NIPBL: variants seen among roughly 807,000 people sequenced by gnomAD.
NIPBL encodes the protein nipped-B-like protein.
A neutral mutation model predicts 321.8 loss-of-function variants in NIPBL; 19 were observed. That is an observed-to-expected ratio of 0.06 (90% confidence interval 0.04 to 0.09). The LOEUF is 0.09. NIPBL is among the 10% of genes least tolerant of loss of function. The pLI is 1.00. For synonymous variants in NIPBL, 1,106 were observed against 1,114.1 expected (o/e 0.99, Z 0.14); for missense variants, 2,210 against 3,327.0 (o/e 0.66, Z 8.26).
At chr5:37,058,839 T>A in intron 43 of NIPBL, 52 bp from the exon 44 acceptor site, 1 of 1,549,606 alleles carries the variant, frequency 6.5e-7, no homozygotes, top group Non-Finnish European at 8.9e-7. Context: ...CATACTTATA[T>A]TTACTAGTGG....
At chr5:37,019,052 G>A (rs13171961) in intron 24 of NIPBL, among the ~76,000 whole-genome samples, 129 of 152,228 alleles carry the variant, frequency 8.5e-4, no homozygotes, top group Non-Finnish European at 1.4e-3. Flanking sequence ...GCAGTGAGCC[G>A]AGATAGTGCC....
Position 36,972,107 on chromosome 5 carries a change from T to G in NIPBL, c.868+66T>G, listed in dbSNP as rs115891600. On this transcript the variant is annotated intron_variant, in intron 8 of 46. Transcript: ENST00000282516. ...TTGAAGTTGAATAAAGAACTCAGAC[T>G]TCCTAAAGCAGATATTAAAAAGTTA... 2.0e-3 allele frequency: 2,017 copies of G among 1,033,884 alleles called. 22 individuals are homozygous for G. The African/African-American group carries it at 0.028, about 15-fold the overall frequency. The allele number at this position is 1,033,884 out of a possible 1,614,324, so 64.0% of individuals were successfully genotyped here.
chr5:37,056,010 G>C (rs1285516756), intron 42 of NIPBL, among the ~76,000 whole-genome samples: 1 of 152,096 alleles, frequency 6.6e-6, no homozygotes, highest in Non-Finnish European at 1.5e-5. Flanking sequence ...GAAGACATGG[G>C]AGGAGCAGTC....
At position 36,970,938 on chromosome 5, in the gene NIPBL, G is replaced by C; in HGVS notation, c.673G>C (p.Gly225Arg). The change falls in exon 7 of 47, where the codon GGT becomes CGT. Residue 225 changes from glycine (G) to arginine (R), a missense_variant. By Grantham distance (125) the Gly-to-Arg change is moderately radical (BLOSUM62 -2). This residue lies in a region of NIPBL where 464 missense variants were observed against 529.5 expected (regional missense o/e 0.88). Transcript: ENST00000282516. The part of the protein sequence containing the change: ...LRNIHDNKVS[G>R]PLSGNSANHH... ...AAACATACATGATAATAAAGTTTCT[G>C]GTCCGTTGTCTGGCAATTCAGCTAA... The C allele has an allele frequency of 6.2e-7, 1 of 1,613,638 alleles. No homozygotes were observed. Among genetic ancestry groups the C allele is most frequent in the Non-Finnish European group, 8.5e-7 (1 of 1,179,670 alleles).
chr5:37,048,011 C>A (rs1386444628), intron 38 of NIPBL, among the ~76,000 whole-genome samples: 1 of 151,798 alleles, frequency 6.6e-6, no homozygotes, highest in Non-Finnish European at 1.5e-5. Flanking sequence ...AAAATAATGT[C>A]AATGTAGTAC....
intron 1 of NIPBL, among the ~76,000 whole-genome samples, chr5:36,906,055 A>G (rs1337541421): frequency 6.6e-6 from 1 of 152,112 alleles, no homozygotes; most frequent in African/African-American, 2.4e-5. Context: ...TGAAAAGTAT[A>G]TTAATGGGGA....
intron 1 of NIPBL, among the ~76,000 whole-genome samples, chr5:36,915,322 T>A (rs1038277519): frequency 1.3e-5 from 2 of 152,204 alleles, no homozygotes; most frequent in African/African-American, 4.8e-5. Context: ...GAAAACATTT[T>A]AAATTGTATT....
chr5:36,996,588 T>C lies in NIPBL; in HGVS notation c.3304+784T>C. 2.2e-6 allele frequency: 1 copy of C among 451,830 alleles called. No individual in the cohort carries two copies. Among genetic ancestry groups the C allele is most frequent in the Non-Finnish European group, 4.5e-6 (1 of 224,022 alleles). 28.0% of individuals were successfully genotyped at this position (451,830 alleles called of 1,614,324 possible). On this transcript the variant is annotated intron_variant, in intron 11 of 46. Transcript: ENST00000282516. This position sits in a 1 kb window ranked among gnomAD's most constrained non-coding sequence, Gnocchi z 5.0. Reference sequence around the variant, plus strand: ...TGGTCCACTGAAAAAGTTCTTCTCTTTTATCCCTATCTTCCTTCTTCTGGA... The same window carrying C: ...TGGTCCACTGAAAAAGTTCTTCTCTCTTATCCCTATCTTCCTTCTTCTGGA...
chr5:36,888,653 G>T (rs957435686), intron 1 of NIPBL, among the ~76,000 whole-genome samples: 8 of 152,090 alleles, frequency 5.3e-5, no homozygotes, highest in Non-Finnish European at 8.8e-5. Flanking sequence ...AGTTAGATGT[G>T]TTGTAACAGT....
chr5:36,951,688 AAG>A (rs1415946687), intron 1 of NIPBL, among the ~76,000 whole-genome samples: 1 of 152,198 alleles, frequency 6.6e-6, no homozygotes. Flanking sequence ...AATAATTTCA[AAG>A]AGTAGAAATT....
intron 30 of NIPBL, 47 bp from the exon 31 acceptor site, chr5:37,026,182 G>T (rs542072333): frequency 9.2e-7 from 1 of 1,088,728 alleles, no homozygotes; most frequent in Non-Finnish European, 1.4e-6. Flanking sequence ...TTGTGAAATT[G>T]CCGTATTTGT....
At chr5:36,986,399 A>G (rs1048587150) in intron 10 of NIPBL, 98 bp downstream of exon 10, 4 of 814,978 alleles carry the variant, frequency 4.9e-6, no homozygotes, top group Middle Eastern at 4.0e-4. Flanking sequence ...TTAGAAAGCT[A>G]CTACATGAAA....
intron 1 of NIPBL, chr5:36,885,551 GAGA>G (rs1745829244): frequency 1.9e-6 from 1 of 528,036 alleles, no homozygotes; most frequent in Non-Finnish European, 3.8e-6. Context: ...GGAGCACCTG[GAGA>G]AGAAGGGACC....
chr5:37,048,721 T>C, intron 39 of NIPBL, 46 bp downstream of exon 39: 11 of 1,377,600 alleles, frequency 8.0e-6, no homozygotes, highest in Non-Finnish European at 1.1e-5. Flanking sequence ...ATTTATATTA[T>C]AATGGCTTTA....
chr5:37,042,897 G>GCA (rs1213087294), intron 34 of NIPBL, among the ~76,000 whole-genome samples: 2 of 146,336 alleles, frequency 1.4e-5, no homozygotes, highest in African/African-American at 5.2e-5. Context: ...ACACACACGC[G>GCA]CGCACACACA....
intron 1 of NIPBL, among the ~76,000 whole-genome samples, chr5:36,884,384 A>G (rs1414947157): frequency 2.0e-5 from 3 of 152,190 alleles, no homozygotes; most frequent in Admixed American, 1.3e-4. Context: ...ATGAAAATAT[A>G]TATTTGTGTA....
intron 9 of NIPBL, among the ~76,000 whole-genome samples, chr5:36,978,375 G>T (rs1211482253): frequency 1.3e-5 from 2 of 151,970 alleles, no homozygotes; most frequent in Non-Finnish European, 2.9e-5. Flanking sequence ...TAAAATGTTT[G>T]TTGGCTGTGT....
intron 1 of NIPBL, among the ~76,000 whole-genome samples, chr5:36,933,296 A>G (rs1749920515): frequency 6.6e-6 from 1 of 152,092 alleles, no homozygotes; most frequent in Non-Finnish European, 1.5e-5. Context: ...ATTACATAGT[A>G]GAATGGTATT....
At chr5:36,964,830 T>C (rs898502465) in intron 6 of NIPBL, among the ~76,000 whole-genome samples, 1 of 151,960 alleles carries the variant, frequency 6.6e-6, no homozygotes, top group Non-Finnish European at 1.5e-5. Context: ...AGGAACTCAA[T>C]AGCAAAACAA....
Sources: allele counts gnomAD v4.1 joint callset (sites outside exome capture counted in the v4.1 genomes callset), GRCh38; gene constraint gnomAD v4.1.1; regional missense constraint gnomAD v4.1.1; non-coding constraint Gnocchi (gnomAD v3.1); transcripts MANE v1.5; gene names NCBI Gene and HGNC (gene_info 2026-07-23, HGNC 2026-07-21).